FGFR2: variants seen among roughly 807,000 people sequenced by gnomAD.
The protein encoded by FGFR2 is fibroblast growth factor receptor 2, also known as BEK fibroblast growth factor receptor.
A neutral mutation model predicts 95.9 loss-of-function variants in FGFR2; 19 were observed. The observed-to-expected ratio is 0.20, with a 90% confidence interval of 0.14 to 0.29. The LOEUF (loss-of-function observed/expected upper bound fraction) is 0.29. Among genes scored for constraint, FGFR2 ranks in the 10% least tolerant of loss-of-function variants. The pLI is 1.00. For synonymous variants in FGFR2, 392 were observed against 393.3 expected (o/e 1.00, Z 0.04); for missense variants, 707 against 1,056.9 (o/e 0.67, Z 4.59).
intron 5 of FGFR2, among the ~76,000 whole-genome samples, chr10:121,539,048 A>G (rs1853289722): frequency 6.6e-6 from 1 of 152,238 alleles, no homozygotes; most frequent in Non-Finnish European, 1.5e-5. Flanking sequence ...CCTGGTACCA[A>G]TGGCCACGGG....
intron 6 of FGFR2, among the ~76,000 whole-genome samples, chr10:121,528,712 G>A (rs1451533903): frequency 2.0e-5 from 3 of 152,054 alleles, no homozygotes; most frequent in African/African-American, 4.8e-5. Flanking sequence ...AAATAATCAC[G>A]GTTCTAGATA....
At chr10:121,527,314 T>C (rs981775842) in intron 6 of FGFR2, among the ~76,000 whole-genome samples, 4 of 152,202 alleles carry the variant, frequency 2.6e-5, no homozygotes, top group African/African-American at 9.7e-5. Context: ...CTGTGTGTTA[T>C]TTACACCCCA....
chr10:121,538,853 GT>G, intron 5 of FGFR2, 138 bp from the exon 6 acceptor site: 1 of 1,091,760 alleles, frequency 9.2e-7, no homozygotes, highest in Middle Eastern at 2.1e-4. Context: ...ATTGATAACT[GT>G]CATTAAGAAT....
At chr10:121,589,836 A>C (rs1042562394) in intron 2 of FGFR2, among the ~76,000 whole-genome samples, 1 of 152,266 alleles carries the variant, frequency 6.6e-6, no homozygotes, top group Non-Finnish European at 1.5e-5. Context: ...TCAACTCTTA[A>C]ATATTAACAC....
At chr10:121,550,512 G>A (rs1405267620) in intron 5 of FGFR2, among the ~76,000 whole-genome samples, 3 of 152,164 alleles carry the variant, frequency 2.0e-5, no homozygotes, top group African/African-American at 7.2e-5. Context: ...ATTGTGTGAC[G>A]TGCTCTCAAG....
intron 5 of FGFR2, among the ~76,000 whole-genome samples, chr10:121,548,983 CT>C (rs1370060041): frequency 6.6e-6 from 1 of 152,218 alleles, no homozygotes; most frequent in African/African-American, 2.4e-5. Context: ...AAATCACCCC[CT>C]GCCTCCTGCT....
In FGFR2 at chr10:121,598,119, G is replaced by T. The variant is rs1339176101; in HGVS notation, c.-308C>A. On this transcript the variant is annotated 5_prime_UTR_variant, in exon 1 of 18. The change creates a premature stop within an existing upstream ORF in the 5' untranslated region. Transcript: ENST00000358487. ...GCGCCAAGCCTCCCGGGCTTCACGC[G>T]TACCCCAGGCTGCGGAGGAGCGCGG... 10 of 398,256 alleles carry T rather than the reference G, an allele frequency of 2.5e-5. No homozygotes were observed. The highest frequency in any genetic ancestry group is 4.4e-5 in the Non-Finnish European group (10 of 225,904). The allele number at this position is 398,256 out of a possible 1,614,324, so 24.7% of individuals were successfully genotyped here.
Position 121,597,984 on chromosome 10 carries a change from C to T in FGFR2, c.-173G>A, listed in dbSNP as rs540975865. 1.9e-4 allele frequency: 75 copies of T among 394,666 alleles called. No individual in the cohort carries two copies. Among genetic ancestry groups the T allele is most frequent in the Middle Eastern group, 6.3e-4 (1 of 1,576 alleles). The allele number at this position is 394,666 out of a possible 1,614,324, so 24.4% of individuals were successfully genotyped here. A position where few individuals can be genotyped will look rare whatever the true frequency, so the allele number is the denominator to read the frequency against. On this transcript the variant is annotated 5_prime_UTR_variant, in exon 1 of 18. Coordinates refer to ENST00000358487, the MANE Select transcript of FGFR2 (RefSeq NM_000141.5). The stretch of plus-strand genomic sequence containing the variant: ...TACCTTGAATGGCAACGCTCCTCCG[C>T]GACCTGTGTTGTCCCCGCGCCCCGC...
intron 5 of FGFR2, among the ~76,000 whole-genome samples, chr10:121,544,473 C>G (rs1854221318): frequency 6.7e-6 from 1 of 150,112 alleles, no homozygotes; most frequent in Non-Finnish European, 1.5e-5. Flanking sequence ...AGTGGTATAT[C>G]CATACAATGG....
At chr10:121,587,518 G>T (rs141556239) in intron 2 of FGFR2, among the ~76,000 whole-genome samples, 438 of 152,188 alleles carry the variant, frequency 2.9e-3, no homozygotes, top group African/African-American at 0.01. Flanking sequence ...ATCTAACAAA[G>T]ATCTAATGTC....
At chr10:121,522,374 T>C (rs1196848219) in intron 6 of FGFR2, among the ~76,000 whole-genome samples, 2 of 151,910 alleles carry the variant, frequency 1.3e-5, no homozygotes, top group Admixed American at 6.6e-5. Flanking sequence ...CTGGGCAACA[T>C]AGCAAGATCC....
chr10:121,552,966 C>T (rs568779350), intron 4 of FGFR2, among the ~76,000 whole-genome samples: 11 of 152,262 alleles, frequency 7.2e-5, no homozygotes, highest in Admixed American at 2.0e-4. Flanking sequence ...CTCTATTCTA[C>T]GGGTGTAGAG....
At chr10:121,557,453 C>A (rs1345149476) in intron 4 of FGFR2, among the ~76,000 whole-genome samples, 1 of 152,100 alleles carries the variant, frequency 6.6e-6, no homozygotes, top group Non-Finnish European at 1.5e-5. Context: ...GGACTGCAGG[C>A]ATGAGCTACC....
At chr10:121,539,638 A>G (rs1016628397) in intron 5 of FGFR2, among the ~76,000 whole-genome samples, 5 of 152,208 alleles carry the variant, frequency 3.3e-5, no homozygotes, top group African/African-American at 9.6e-5. Flanking sequence ...GTCATTCTCT[A>G]CAGGTGTTTT....
intron 4 of FGFR2, among the ~76,000 whole-genome samples, chr10:121,556,707 T>C (rs1260891541): frequency 2.6e-5 from 4 of 152,180 alleles, no homozygotes; most frequent in Non-Finnish European, 4.4e-5. Context: ...AAGTTCAAGA[T>C]TTATGTGAGC....
At position 121,484,839 on chromosome 10, in the gene FGFR2, G is replaced by A. The variant is rs187743453; in HGVS notation, c.2195+556C>T. On this transcript the variant is annotated intron_variant, in intron 16 of 17. Coordinates refer to ENST00000358487, the MANE Select transcript of FGFR2 (RefSeq NM_000141.5). ...AAGTGAGACCTAGGTAACCAAACAC[G>A]AGTTCCTTCGCTCTGAGGAAATGTG... Among the ~76,000 whole-genome samples the A allele has an allele frequency of 3.3e-3, 503 of 152,288 alleles. 8 individuals are homozygous for A. Among genetic ancestry groups the A allele is most frequent in the Middle Eastern group, 0.014 (4 of 294 alleles).
At chr10:121,577,683 T>C (rs1031857345) in intron 2 of FGFR2, among the ~76,000 whole-genome samples, 1 of 152,158 alleles carries the variant, frequency 6.6e-6, no homozygotes, top group Admixed American at 6.5e-5. Flanking sequence ...CTGGCTCTTC[T>C]GGTCCTTTCC....
chr10:121,591,762 T>C (rs1862691183), intron 2 of FGFR2, among the ~76,000 whole-genome samples: 1 of 152,102 alleles, frequency 6.6e-6, no homozygotes, highest in Admixed American at 6.5e-5. Context: ...TAACAAAATA[T>C]TACCTAAAAT....
intron 11 of FGFR2, among the ~76,000 whole-genome samples, chr10:121,499,555 T>C (rs956112942): frequency 4.6e-5 from 7 of 152,246 alleles, no homozygotes; most frequent in African/African-American, 1.7e-4. Flanking sequence ...TATCCTTCTG[T>C]GTCCTTACAG....
Sources: allele counts gnomAD v4.1 joint callset (sites outside exome capture counted in the v4.1 genomes callset), GRCh38; gene constraint gnomAD v4.1.1; transcripts MANE v1.5; gene names NCBI Gene and HGNC (gene_info 2026-07-23, HGNC 2026-07-21).